The following XDH variants were observed in gnomAD, a reference collection of about 807,000 sequenced individuals.
XDH encodes the protein xanthine dehydrogenase.
In XDH, 138 loss-of-function variants were observed where a neutral mutation model predicts 156.1. The ratio of observed to expected loss-of-function variants is 0.88; its 90% CI spans 0.77 to 1.02. The LOEUF is 1.02. Among genes scored for constraint, XDH ranks in the 50% least tolerant of loss-of-function variants. The pLI is 0.00. For synonymous variants in XDH, 669 were observed against 625.7 expected (o/e 1.07, Z -1.03); for missense variants, 1,849 against 1,684.9 (o/e 1.10, Z -1.71).
At chr2:31,365,723 G>A (rs985171034) in intron 22 of XDH, among the ~76,000 whole-genome samples, 179 bp from the exon 23 acceptor site, 4 of 152,182 alleles carry the variant, frequency 2.6e-5, no homozygotes, top group Non-Finnish European at 4.4e-5. Flanking sequence ...ATAAGGAAGC[G>A]AGGTATGTGC....
intron 23 of XDH, among the ~76,000 whole-genome samples, chr2:31,365,031 A>T (rs1685870374): frequency 6.6e-6 from 1 of 152,202 alleles, no homozygotes; most frequent in East Asian, 1.9e-4. Flanking sequence ...GGAAAAGTAC[A>T]TACCCATCCT....
intron 1 of XDH, 35 bp from the exon 2 acceptor site, chr2:31,405,999 G>GTA (rs1423923479): frequency 6.2e-7 from 1 of 1,602,936 alleles, no homozygotes; most frequent in Non-Finnish European, 8.5e-7. Context: ...TATATCATAG[G>GTA]TATACTTAGT....
intron 18 of XDH, among the ~76,000 whole-genome samples, chr2:31,368,984 C>T (rs1264158692): frequency 1.4e-4 from 22 of 152,166 alleles, no homozygotes; most frequent in Non-Finnish European, 2.8e-4. Flanking sequence ...GTGCATTTGT[C>T]AATTCGGATT....
chr2:31,348,247 C>T (rs770436788), intron 28 of XDH, 21 bp downstream of exon 28: 2 of 1,612,002 alleles, frequency 1.2e-6, no homozygotes, highest in South Asian at 1.1e-5. Context: ...GGACACAACA[C>T]TGCCAGAGAG....
chr2:31,334,403 CCA>C lies in XDH; in HGVS notation c.*1553_*1554del, dbSNP rs1385669276. On this transcript the variant is annotated 3_prime_UTR_variant, in exon 36 of 36. Coordinates refer to ENST00000379416, the MANE Select transcript of XDH (RefSeq NM_000379.4). ...CACTATCCTCCCTCCATGGCCAGAACCACAGATTCTCTCTGGCAGAAGGTTGG... is the reference window on the plus strand; with the variant it reads ...CACTATCCTCCCTCCATGGCCAGAACCAGATTCTCTCTGGCAGAAGGTTGG... 1.3e-5 allele frequency: 2 copies of C among 151,966 alleles called. No individual in the cohort carries two copies. The highest frequency in any genetic ancestry group is 2.9e-5 in the Non-Finnish European group (2 of 67,976). The allele number at this position is 151,966 out of a possible 1,614,324, so 9.4% of individuals were successfully genotyped here.
intron 24 of XDH, among the ~76,000 whole-genome samples, chr2:31,355,595 A>G (rs1306131893): frequency 6.6e-6 from 1 of 152,158 alleles, no homozygotes; most frequent in Non-Finnish European, 1.5e-5. Context: ...TATATATAAC[A>G]TAATACCTTG....
chr2:31,350,237 A>G lies in XDH; in HGVS notation c.2632-14T>C. ...TCGTTCCATAATCTGAAGCAGAGGAAACAAAAATGGGAGAGAACAGTGTAC... is the reference window on the plus strand; with the variant it reads ...TCGTTCCATAATCTGAAGCAGAGGAGACAAAAATGGGAGAGAACAGTGTAC... On this transcript the variant is annotated splice_polypyrimidine_tract_variant and intron_variant, in intron 24 of 35. Coordinates refer to ENST00000379416, the MANE Select transcript of XDH (RefSeq NM_000379.4). 1.2e-6 allele frequency: 2 copies of G among 1,614,152 alleles called. No homozygotes were observed. Among genetic ancestry groups the G allele is most frequent in the Non-Finnish European group, 1.7e-6 (2 of 1,179,992 alleles).
chr2:31,381,496 C>T (rs1686435413), intron 12 of XDH, 137 bp downstream of exon 12: 2 of 881,602 alleles, frequency 2.3e-6, no homozygotes, highest in Non-Finnish European at 3.7e-6. Context: ...GTACATTCTC[C>T]ATGCTTCCCT....
chr2:31,391,581 T>A (rs562089160), intron 6 of XDH, among the ~76,000 whole-genome samples: 92 of 152,346 alleles, frequency 6.0e-4, no homozygotes, highest in Non-Finnish European at 1.0e-3. Flanking sequence ...GAGTCTACAG[T>A]TGGGAACAAC....
chr2:31,353,768 C>T (rs13414618), intron 24 of XDH, among the ~76,000 whole-genome samples: 92,854 of 152,022 alleles, frequency 0.61, 29,617 homozygotes, highest in East Asian at 0.79. Context: ...AAAAAGAAAA[C>T]GTAGTCTCAT....
At chr2:31,398,512 C>T (rs1686971965) in intron 5 of XDH, 61 bp downstream of exon 5, 11 of 1,610,528 alleles carry the variant, frequency 6.8e-6, no homozygotes, top group Non-Finnish European at 9.3e-6. Context: ...GGCACTTGCC[C>T]TGACCTCTGC....
intron 6 of XDH, among the ~76,000 whole-genome samples, chr2:31,391,860 C>G (rs931038190): frequency 1.6e-4 from 24 of 152,298 alleles, no homozygotes; most frequent in African/African-American, 5.8e-4. Context: ...ATTCTATCTT[C>G]TGGAAGAGAT....
rs45546339 is a variant in XDH at position 31,364,881 on chromosome 2, G to A, written c.2544+576C>T. On this transcript the variant is annotated intron_variant, in intron 23 of 35. Transcript: ENST00000379416. The stretch of plus-strand genomic sequence containing the variant: ...GTTCAAGGCCAATTCATGGAGAGAG[G>A]GCTCTCAGGTTTCTAGAGCTAGGCG... Among the ~76,000 whole-genome samples the A allele has an allele frequency of 5.6e-3, 859 of 152,258 alleles. 9 individuals are homozygous for A. The highest frequency in any genetic ancestry group is 0.02 in the African/African-American group (820 of 41,516).
chr2:31,368,746 A>C, intron 18 of XDH, 86 bp from the exon 19 acceptor site: 2 of 1,611,372 alleles, frequency 1.2e-6, no homozygotes, highest in Non-Finnish European at 1.7e-6. Context: ...AGCCAAAAGA[A>C]GTCCCTGCCC....
In XDH at chr2:31,378,055, G is replaced by GAAGAAAGAAAGA. The variant is rs149074112; in HGVS notation, c.1243-830_1243-819dup. ...AAAAAGAGAAGAAAGAGAAAGAAAG[G>GAAGAAAGAAAGA]AAGAAAGAAAGAAAGAAAGAAAGAA... On this transcript the variant is annotated intron_variant, in intron 13 of 35. Transcript: ENST00000379416. Among the ~76,000 whole-genome samples, 86 of 65,496 alleles carry GAAGAAAGAAAGA rather than the reference G, an allele frequency of 1.3e-3. 2 individuals are homozygous for GAAGAAAGAAAGA. Among genetic ancestry groups the GAAGAAAGAAAGA allele is most frequent in the East Asian group, 3.9e-3 (8 of 2,046 alleles). The allele number at this position is 65,496 out of a possible 152,430, so 43.0% of individuals were successfully genotyped here.
In XDH at chr2:31,365,437, A is replaced by G. The variant is rs1338978431; in HGVS notation, c.2544+20T>C. The G allele has an allele frequency of 1.2e-6, 2 of 1,614,006 alleles. No homozygotes were observed. Among genetic ancestry groups the G allele is most frequent in the Admixed American group, 1.7e-5 (1 of 60,028 alleles). Reference sequence around the variant, plus strand: ...ACAAAATGGCTCATCCCGCCCCAGCACAGCCCCAACATCTAGAACCTTGTA... The same window carrying G: ...ACAAAATGGCTCATCCCGCCCCAGCGCAGCCCCAACATCTAGAACCTTGTA... On this transcript the variant is annotated intron_variant, in intron 23 of 35. Coordinates refer to ENST00000379416, the MANE Select transcript of XDH (RefSeq NM_000379.4).
At chr2:31,341,052 A>G (rs1293584608) in intron 33 of XDH, among the ~76,000 whole-genome samples, 1 of 152,160 alleles carries the variant, frequency 6.6e-6, no homozygotes, top group South Asian at 2.1e-4. Context: ...GTGTGTGTGC[A>G]TGTTCACATG....
chr2:31,406,185 T>G (rs1239654009), intron 1 of XDH, among the ~76,000 whole-genome samples: 2 of 152,196 alleles, frequency 1.3e-5, no homozygotes, highest in African/African-American at 4.8e-5. Context: ...AGATTTCTCA[T>G]GAATGGCTTA....
At chr2:31,338,128 C>T (rs765473791) in intron 34 of XDH, among the ~76,000 whole-genome samples, 2 of 152,208 alleles carry the variant, frequency 1.3e-5, no homozygotes, top group Admixed American at 6.5e-5. Context: ...TTGTATTTTA[C>T]AGACCACAAA....
Sources: gnomAD v4.1 joint callset for allele counts (sites outside exome capture counted in the v4.1 genomes callset) on GRCh38, gnomAD v4.1.1 for gene constraint, MANE v1.5 for transcripts, NCBI Gene and HGNC (gene_info 2026-07-23, HGNC 2026-07-21) for gene names.